KDM3B: variants seen among roughly 807,000 people sequenced by gnomAD.
The protein encoded by KDM3B is lysine-specific demethylase 3B.
Under a neutral mutation model 170.0 loss-of-function variants are expected in KDM3B, and 10 were observed. The observed-to-expected ratio is 0.06, with a 90% CI of 0.04 to 0.10. KDM3B has a LOEUF of 0.10. Ranked by LOEUF, KDM3B falls within the 10% of genes least tolerant of loss-of-function variation. KDM3B has a pLI of 1.00. For missense variants in KDM3B, 1,394 were observed against 2,195.2 expected, an observed-to-expected ratio of 0.64 and a Z score of 7.29; for synonymous variants, 831 against 834.8, an observed-to-expected ratio of 1.00 and a Z score of 0.08.
At position 138,391,188 on chromosome 5, in the gene KDM3B, C is replaced by T. The variant is rs778964614; in HGVS notation, c.1556C>T (p.Thr519Ile). ...CSSAQEAQKD[T>I]DLSKNLFFQC... ...TCTGCACAAGAGGCACAGAAAGACA[C>T]TGATCTCTCCAAAAACTTGTTTTTT... Residue 519 changes from threonine to isoleucine, a missense_variant, in exon 8 of 24, where the codon ACT (threonine) becomes ATT (isoleucine). Physicochemically the swap from Thr to Ile is moderately conservative, Grantham distance 89. Coordinates refer to ENST00000314358, the MANE Select transcript of KDM3B (RefSeq NM_016604.4). The surrounding 1 kb of genome is among the most constrained non-coding windows in gnomAD (Gnocchi z 5.0). The T allele has an allele frequency of 2.5e-6, 4 of 1,614,102 alleles. No homozygotes were observed. The Admixed American group carries it at 5.0e-5, about 20-fold the overall frequency.
chr5:138,365,995 C>CAAAT (rs763661188), intron 1 of KDM3B, among the ~76,000 whole-genome samples: 29 of 152,078 alleles, frequency 1.9e-4, no homozygotes, highest in East Asian at 1.2e-3. Flanking sequence ...GATACTGTCT[C>CAAAT]AAATAAATAA....
At chr5:138,365,952 C>T (rs181637614) in intron 1 of KDM3B, among the ~76,000 whole-genome samples, 2 of 152,048 alleles carry the variant, frequency 1.3e-5, no homozygotes, top group South Asian at 2.1e-4. Context: ...GAGCCTAGAT[C>T]GCGTCATTGT....
chr5:138,384,492 C>T (rs1762205687), intron 6 of KDM3B, among the ~76,000 whole-genome samples: 1 of 151,856 alleles, frequency 6.6e-6, no homozygotes, highest in African/African-American at 2.4e-5. Context: ...AATTCCAGCA[C>T]TTTGGGAGGC....
intron 6 of KDM3B, among the ~76,000 whole-genome samples, chr5:138,383,123 G>A (rs1326418551): frequency 1.3e-5 from 2 of 151,760 alleles, no homozygotes; most frequent in South Asian, 2.1e-4. Context: ...CTTATAGGTG[G>A]GATGTTTGTT....
At chr5:138,407,669 A>G (rs1202286318) in intron 11 of KDM3B, among the ~76,000 whole-genome samples, 1 of 152,166 alleles carries the variant, frequency 6.6e-6, no homozygotes, top group Non-Finnish European at 1.5e-5. Context: ...GTTACAACCC[A>G]TCGGAATGGC....
chr5:138,365,043 A>G (rs1482309670), intron 1 of KDM3B, among the ~76,000 whole-genome samples: 1 of 152,232 alleles, frequency 6.6e-6, no homozygotes, highest in Non-Finnish European at 1.5e-5. Context: ...CAACTCATGC[A>G]TCTTCGCCCA....
intron 11 of KDM3B, among the ~76,000 whole-genome samples, chr5:138,400,266 G>A (rs1333112973): frequency 2.0e-5 from 3 of 150,782 alleles, no homozygotes; most frequent in African/African-American, 4.9e-5. Context: ...GCAGATTCTC[G>A]CTCTGTTGCC....
intron 23 of KDM3B, among the ~76,000 whole-genome samples, chr5:138,433,554 T>G (rs1197450582): frequency 6.7e-6 from 1 of 150,274 alleles, no homozygotes; most frequent in Non-Finnish European, 1.5e-5. Flanking sequence ...ATTGCAGGCA[T>G]GCACCACCAT....
chr5:138,408,078 G>A (rs1762868755), intron 11 of KDM3B, among the ~76,000 whole-genome samples: 1 of 152,070 alleles, frequency 6.6e-6, no homozygotes, highest in South Asian at 2.1e-4. Flanking sequence ...TCTTCCCTTC[G>A]CTTTGTCAAC....
At chr5:138,406,981 ATTTT>A (rs745918786) in intron 11 of KDM3B, among the ~76,000 whole-genome samples, 3 of 119,040 alleles carry the variant, frequency 2.5e-5, no homozygotes, top group Admixed American at 9.3e-5. Flanking sequence ...TATGCCAATA[ATTTT>A]TTTTTTTTTT....
intron 11 of KDM3B, among the ~76,000 whole-genome samples, chr5:138,411,001 C>T (rs1023578210): frequency 7.2e-5 from 11 of 152,126 alleles, no homozygotes; most frequent in East Asian, 1.9e-4. Flanking sequence ...CGGATAACTG[C>T]GGGCAAGCCT....
intron 11 of KDM3B, among the ~76,000 whole-genome samples, chr5:138,410,328 AG>A (rs1762930063): frequency 6.6e-6 from 1 of 152,194 alleles, no homozygotes. Flanking sequence ...TTAATATTAA[AG>A]CTACAGTAAT....
rs1294997369 is a variant in KDM3B at position 138,419,238 on chromosome 5, A to G, written c.3715+6A>G. On this transcript the variant is annotated splice_donor_region_variant and intron_variant, in intron 14 of 23. Coordinates refer to ENST00000314358, the MANE Select transcript of KDM3B (RefSeq NM_016604.4). ...GGCTAAAGAAGAAACAAAAGGTGAGATGCACACAAACCTCTGCTCTGCCTA... is the reference window on the plus strand; with the variant it reads ...GGCTAAAGAAGAAACAAAAGGTGAGGTGCACACAAACCTCTGCTCTGCCTA... 3 of 1,611,868 alleles carry G rather than the reference A, an allele frequency of 1.9e-6. No individual in the cohort carries two copies. In the South Asian group the frequency reaches 3.3e-5, roughly 18 times the overall value.
At chr5:138,389,029 AAG>A (rs1762355304) in intron 7 of KDM3B, among the ~76,000 whole-genome samples, 1 of 152,264 alleles carries the variant, frequency 6.6e-6, no homozygotes, top group East Asian at 1.9e-4. Flanking sequence ...TTTATTTTTA[AAG>A]GGTAACTTTA....
chr5:138,435,805 C>G lies in KDM3B; in HGVS notation c.*105C>G, dbSNP rs1763659379. On this transcript the variant is annotated 3_prime_UTR_variant, in exon 24 of 24. Coordinates refer to ENST00000314358, the MANE Select transcript of KDM3B (RefSeq NM_016604.4). The stretch of plus-strand genomic sequence containing the variant: ...TGGAGCAGAGGCCCTTCACCCAGAG[C>G]CAGTGTGGTCAGTATTCCAAACTCT... 1 of 847,306 alleles carries G rather than the reference C, an allele frequency of 1.2e-6. No homozygotes were observed. Among genetic ancestry groups the G allele is most frequent in the East Asian group, 2.7e-5 (1 of 37,596 alleles). 52.5% of individuals were successfully genotyped at this position (847,306 alleles called of 1,614,324 possible).
chr5:138,396,611 C>G (rs1762553022), intron 9 of KDM3B, among the ~76,000 whole-genome samples: 1 of 152,038 alleles, frequency 6.6e-6, no homozygotes, highest in Non-Finnish European at 1.5e-5. Flanking sequence ...GTAGGAGATA[C>G]TGGCCTTTGC....
At chr5:138,385,880 A>G (rs1289392111) in intron 6 of KDM3B, 142 bp from the exon 7 acceptor site, 1 of 902,538 alleles carries the variant, frequency 1.1e-6, no homozygotes, top group Non-Finnish European at 1.7e-6. Flanking sequence ...GCTTTTAACA[A>G]AGGGGATGTT....
Position 138,386,185 on chromosome 5 carries a change from A to T in KDM3B, c.944A>T (p.Asp315Val). 1 of 1,614,156 alleles carries T rather than the reference A, an allele frequency of 6.2e-7. No homozygotes were observed. Among genetic ancestry groups the T allele is most frequent in the Non-Finnish European group, 8.5e-7 (1 of 1,180,018 alleles). ...GGTGAAGTAGACAGTAATGGGAGCG[A>T]TGGAGGTGAGGCAAGCCGAGGGCCC... ...DRGEVDSNGS[D>V]GGEASRGPWK... The change falls in exon 7 of 24, where the codon GAT becomes GTT. Residue 315 changes from aspartate (D) to valine (V), a missense_variant. Asp to Val is a radical substitution (Grantham distance 152, BLOSUM62 -3). Transcript: ENST00000314358.
intron 6 of KDM3B, among the ~76,000 whole-genome samples, chr5:138,385,556 G>A (rs1762236807): frequency 6.6e-6 from 1 of 152,238 alleles, no homozygotes; most frequent in African/African-American, 2.4e-5. Context: ...TTTGGTCACA[G>A]ACTCACAAAC....
Sources: allele counts gnomAD v4.1 joint callset (sites outside exome capture counted in the v4.1 genomes callset), GRCh38; gene constraint gnomAD v4.1.1; non-coding constraint Gnocchi (gnomAD v3.1); transcripts MANE v1.5; gene names NCBI Gene and HGNC (gene_info 2026-07-23, HGNC 2026-07-21).